Variants in DCLK2 observed in about 807,000 individuals in gnomAD.
DCLK2 encodes doublecortin like kinase 2.
DCLK2 carries 31 observed loss-of-function variants against 78.4 expected under a neutral mutation model. That is an observed-to-expected ratio of 0.40 (90% CI 0.30 to 0.53). The LOEUF (loss-of-function observed/expected upper bound fraction) is 0.53, where lower values mean the gene tolerates loss of function less well. Ranked by LOEUF, DCLK2 falls within the 20% of genes least tolerant of loss-of-function variation. The pLI, the probability that DCLK2 is intolerant of heterozygous loss-of-function variation, is 0.61. For missense variants in DCLK2, 872 were observed against 973.7 expected (o/e 0.90, Z 1.39); for synonymous variants, 407 against 374.9 (o/e 1.09, Z -0.99).
intron 10 of DCLK2, among the ~76,000 whole-genome samples, chr4:150,234,614 T>C (rs180920454): frequency 1.3e-5 from 2 of 152,338 alleles, no homozygotes; most frequent in East Asian, 3.9e-4. Context: ...GTCTTTTCTT[T>C]TTGGTAATAT....
At chr4:150,168,110 A>G (rs1254323112) in intron 2 of DCLK2, among the ~76,000 whole-genome samples, 12 of 152,154 alleles carry the variant, frequency 7.9e-5, no homozygotes, top group East Asian at 3.9e-4. Flanking sequence ...TTGGGAGGCC[A>G]AGGCGGGCGG....
chr4:150,180,482 A>G, intron 2 of DCLK2, among the ~76,000 whole-genome samples: 1 of 152,180 alleles, frequency 6.6e-6, no homozygotes, highest in East Asian at 1.9e-4. Context: ...AAGATGACTG[A>G]GTCCTAGAGA....
At chr4:150,165,819 G>A (rs1227871638) in intron 2 of DCLK2, among the ~76,000 whole-genome samples, 3 of 152,192 alleles carry the variant, frequency 2.0e-5, no homozygotes, top group Admixed American at 1.3e-4. Context: ...AGTGTTGAAA[G>A]GTAGAGCCTA....
intron 2 of DCLK2, among the ~76,000 whole-genome samples, chr4:150,117,889 T>C (rs1481358654): frequency 2.0e-5 from 3 of 152,214 alleles, no homozygotes; most frequent in African/African-American, 7.2e-5. Context: ...TTTTGTCTTT[T>C]CACGTGGTAG....
At chr4:150,164,270 C>T (rs1304998267) in intron 2 of DCLK2, among the ~76,000 whole-genome samples, 1 of 152,190 alleles carries the variant, frequency 6.6e-6, no homozygotes, top group Admixed American at 6.5e-5. Flanking sequence ...GCCCCATGCC[C>T]CAGAGTCTGA....
At chr4:150,184,605 T>A (rs1742171505) in intron 2 of DCLK2, among the ~76,000 whole-genome samples, 2 of 101,030 alleles carry the variant, frequency 2.0e-5, no homozygotes, top group Admixed American at 9.2e-5. Flanking sequence ...CTTCTTCTTT[T>A]TTTTTTTTTT....
chr4:150,198,217 C>T (rs972004829), intron 4 of DCLK2, 114 bp downstream of exon 4: 1 of 819,528 alleles, frequency 1.2e-6, no homozygotes, highest in Admixed American at 3.7e-5. Flanking sequence ...AGCCAAGTTC[C>T]AGAAAAACAG....
intron 2 of DCLK2, among the ~76,000 whole-genome samples, chr4:150,186,265 A>G (rs1022382324): frequency 6.6e-6 from 1 of 152,068 alleles, no homozygotes; most frequent in African/African-American, 2.4e-5. Context: ...GACCTGGTCC[A>G]TACCTCAGTG....
chr4:150,253,041 T>C (rs1257246560), intron 15 of DCLK2, among the ~76,000 whole-genome samples: 2 of 152,132 alleles, frequency 1.3e-5, no homozygotes, highest in East Asian at 1.9e-4. Context: ...GGCATGGTTG[T>C]GTGGGGGAAC....
chr4:150,171,125 T>C (rs148430252), intron 2 of DCLK2, among the ~76,000 whole-genome samples: 86 of 152,346 alleles, frequency 5.6e-4, no homozygotes, highest in African/African-American at 2.0e-3. Flanking sequence ...ATCTGTATTG[T>C]CTGAATCTCT....
intron 2 of DCLK2, among the ~76,000 whole-genome samples, chr4:150,117,202 T>C (rs957858388): frequency 6.6e-6 from 1 of 152,090 alleles, no homozygotes; most frequent in Non-Finnish European, 1.5e-5. Context: ...GCATCTGCTG[T>C]GTAGAAGAAT....
chr4:150,133,529 G>T (rs1318861072), intron 2 of DCLK2, among the ~76,000 whole-genome samples: 1 of 152,136 alleles, frequency 6.6e-6, no homozygotes, highest in Non-Finnish European at 1.5e-5. Flanking sequence ...TTTACTGTTT[G>T]GTTTTAAAGG....
At chr4:150,099,455 TAA>T (rs1400868195) in intron 1 of DCLK2, among the ~76,000 whole-genome samples, 3 of 152,208 alleles carry the variant, frequency 2.0e-5, no homozygotes, top group African/African-American at 7.2e-5. Flanking sequence ...CAAATCTATA[TAA>T]GAGACAAAAT....
chr4:150,207,006 G>A (rs182266399), intron 5 of DCLK2, among the ~76,000 whole-genome samples: 120 of 152,132 alleles, frequency 7.9e-4, no homozygotes, highest in African/African-American at 2.4e-3. Flanking sequence ...GATAATTACC[G>A]TGTGTTAGTA....
At chr4:150,232,530 A>T in intron 9 of DCLK2, 74 bp downstream of exon 9, 1 of 1,567,774 alleles carries the variant, frequency 6.4e-7, no homozygotes, top group East Asian at 2.2e-5. Flanking sequence ...TAATCAGAAA[A>T]GTGTATTGCT....
chr4:150,179,448 A>G (rs1737345153), intron 2 of DCLK2, among the ~76,000 whole-genome samples: 3 of 152,228 alleles, frequency 2.0e-5, no homozygotes, highest in Admixed American at 6.5e-5. Flanking sequence ...CAAAGTAAGT[A>G]TAGAATTAAC....
At chr4:150,177,115 C>G (rs765506181) in intron 2 of DCLK2, among the ~76,000 whole-genome samples, 1 of 152,146 alleles carries the variant, frequency 6.6e-6, no homozygotes, top group Non-Finnish European at 1.5e-5. Flanking sequence ...TAAACCCTGT[C>G]TTGTGTTATA....
At chr4:150,225,992 C>T (rs1298402133) in intron 8 of DCLK2, among the ~76,000 whole-genome samples, 3 of 152,112 alleles carry the variant, frequency 2.0e-5, no homozygotes, top group Admixed American at 2.0e-4. Context: ...GAATTCAACA[C>T]ATGTTAACTG....
intron 2 of DCLK2, among the ~76,000 whole-genome samples, chr4:150,140,986 T>G (rs1211680194): frequency 6.6e-6 from 1 of 152,218 alleles, no homozygotes; most frequent in Non-Finnish European, 1.5e-5. Flanking sequence ...TCTGACTAAT[T>G]CTCTTCCTTC....
Sources: gnomAD v4.1 joint callset for allele counts (sites outside exome capture counted in the v4.1 genomes callset) on GRCh38, gnomAD v4.1.1 for gene constraint, MANE v1.5 for transcripts, NCBI Gene and HGNC (gene_info 2026-07-23, HGNC 2026-07-21) for gene names.